The following CCND3 variants were observed in gnomAD, a reference collection of about 807,000 sequenced individuals.
CCND3 encodes the protein G1/S-specific cyclin-D3.
In CCND3, 9 loss-of-function variants were observed where a neutral mutation model predicts 28.7. That is an observed-to-expected ratio of 0.31 (90% CI 0.19 to 0.55). The LOEUF (loss-of-function observed/expected upper bound fraction) is 0.55. Ranked by LOEUF, CCND3 falls within the 20% of genes least tolerant of loss-of-function variation. The pLI is 0.93. For synonymous variants in CCND3, 164 were observed against 163.9 expected, an observed-to-expected ratio of 1.00 and a Z score of 0.00; for missense variants, 315 against 385.8, an observed-to-expected ratio of 0.82 and a Z score of 1.54.
chr6:41,970,926 TC>T (rs1491276171), intron 1 of CCND3, among the ~76,000 whole-genome samples: 1 of 144,620 alleles, frequency 6.9e-6, no homozygotes, highest in South Asian at 2.2e-4. Flanking sequence ...CTTTTTTTTT[TC>T]CCCCCCTTGA....
chr6:42,012,462 G>C (rs2127428389), intron 1 of CCND3, among the ~76,000 whole-genome samples: 1 of 148,840 alleles, frequency 6.7e-6, no homozygotes, highest in East Asian at 2.0e-4. Context: ...AATTAGCCAG[G>C]TGTGATGGTA....
At chr6:42,029,062 G>A (rs7749541) in intron 1 of CCND3, among the ~76,000 whole-genome samples, 8,687 of 150,266 alleles carry the variant, frequency 0.058, 805 homozygotes, top group African/African-American at 0.19. Context: ...CTGCAGCCTC[G>A]AACTCCTGAG....
intron 1 of CCND3, among the ~76,000 whole-genome samples, chr6:41,951,569 CACACACAAAA>C: frequency 1.3e-5 from 1 of 76,820 alleles, no homozygotes; most frequent in South Asian, 6.2e-4. Flanking sequence ...CACACACACA[CACACACAAAA>C]AAAAAGATTA....
rs1775896776 is a variant in CCND3 at position 41,938,853 on chromosome 6, C to G, written c.415-1459G>C. ...TTGGGCCTCAGCCTCCTCTGCTGCA[C>G]ACGGATTTGGACCAACTGGAGTTCT... is the stretch of plus-strand genomic sequence containing the variant. On this transcript the variant is annotated intron_variant, in intron 2 of 4. Coordinates refer to ENST00000372991, the MANE Select transcript of CCND3 (RefSeq NM_001760.5). This position sits in a 1 kb window ranked among gnomAD's most constrained non-coding sequence, Gnocchi z 4.6. Among the ~76,000 whole-genome samples the G allele has an allele frequency of 6.6e-6, 1 of 152,160 alleles. No individual in the cohort carries two copies. The highest frequency in any genetic ancestry group is 2.4e-5 in the African/African-American group (1 of 41,424).
intron 1 of CCND3, among the ~76,000 whole-genome samples, chr6:42,023,279 A>C (rs1036977547): frequency 6.6e-6 from 1 of 152,164 alleles, no homozygotes; most frequent in Admixed American, 6.6e-5. Context: ...ATGGCCCCCG[A>C]GCCTAGGGCT....
At position 41,939,848 on chromosome 6, in the gene CCND3, C is replaced by T. The variant is rs748397532; in HGVS notation, c.414+522G>A. On this transcript the variant is annotated intron_variant, in intron 2 of 4. Coordinates refer to ENST00000372991, the MANE Select transcript of CCND3 (RefSeq NM_001760.5). This position sits in a 1 kb window ranked among gnomAD's most constrained non-coding sequence, Gnocchi z 4.2. ...GCAAAGAAGGTGGGATGAAATACAT[C>T]AGCCCTTCCTTAAAGCAATCAGGGC... 2.7e-4 allele frequency among the ~76,000 whole-genome samples: 41 copies of T among 152,292 alleles called. No homozygotes were observed. Among genetic ancestry groups the T allele is most frequent in the Middle Eastern group, 6.8e-3 (2 of 294 alleles).
rs772829647 is a variant in CCND3 at position 42,048,622 on chromosome 6, T to G, written c.-167A>C. On this transcript the variant is annotated 5_prime_UTR_variant, in exon 1 of 5. Transcript: ENST00000372988. This position sits in a 1 kb window ranked among gnomAD's most constrained non-coding sequence, Gnocchi z 4.7. The stretch of plus-strand genomic sequence containing the variant: ...CAACCACCAGCCGCGAGGAGAGGAT[T>G]GCACCTCTCCCCCCCGGCCGGCATC... 10 of 517,638 alleles carry G rather than the reference T, an allele frequency of 1.9e-5. No homozygotes were observed. The highest frequency in any genetic ancestry group is 3.9e-5 in the Non-Finnish European group (10 of 259,502). The allele number at this position is 517,638 out of a possible 1,614,324, so 32.1% of individuals were successfully genotyped here.
intron 1 of CCND3, among the ~76,000 whole-genome samples, chr6:41,955,758 AAAGT>A (rs1432553607): frequency 6.6e-6 from 1 of 152,104 alleles, no homozygotes; most frequent in Admixed American, 6.6e-5. Flanking sequence ...CCTGGGCAAC[AAAGT>A]AAGACCCTGT....
chr6:42,009,987 G>A (rs984358473), intron 1 of CCND3, among the ~76,000 whole-genome samples: 1 of 152,070 alleles, frequency 6.6e-6, no homozygotes, highest in Non-Finnish European at 1.5e-5. Context: ...CAGCAAACAG[G>A]CCCTCCAAGG....
chr6:42,023,795 C>G (rs1763784582), intron 1 of CCND3, among the ~76,000 whole-genome samples: 1 of 152,154 alleles, frequency 6.6e-6, no homozygotes, highest in East Asian at 1.9e-4. Flanking sequence ...CACTGACCAT[C>G]TTAACTGTAC....
chr6:42,006,304 T>TAA (rs57086691), intron 1 of CCND3, among the ~76,000 whole-genome samples: 6 of 149,250 alleles, frequency 4.0e-5, no homozygotes, highest in Admixed American at 6.7e-5. Context: ...TTTAGAGGTT[T>TAA]AAAAAAAAAA....
At chr6:41,949,545 T>G (rs1376221190) in intron 1 of CCND3, among the ~76,000 whole-genome samples, 1 of 152,032 alleles carries the variant, frequency 6.6e-6, no homozygotes, top group Non-Finnish European at 1.5e-5. Flanking sequence ...GGCTCACACC[T>G]GTAATCCCAG....
At chr6:42,001,725 G>A (rs866570589) in intron 1 of CCND3, among the ~76,000 whole-genome samples, 43 of 152,078 alleles carry the variant, frequency 2.8e-4, no homozygotes, top group Non-Finnish European at 1.3e-4. Context: ...AAAGCGGGGC[G>A]GGGGGCGGAG....
Position 41,941,125 on chromosome 6 carries a change from C to A in CCND3, c.198+327G>T. Reference sequence around the variant, plus strand: ...GCCCAGGGTTTTCCAGGCGCGCTCTCCGGAGAAGGCCGGGAGGCGGAGGGA... The same window carrying A: ...GCCCAGGGTTTTCCAGGCGCGCTCTACGGAGAAGGCCGGGAGGCGGAGGGA... On this transcript the variant is annotated intron_variant, in intron 1 of 4. Transcript: ENST00000372991. The surrounding 1 kb of genome is among the most constrained non-coding windows in gnomAD (Gnocchi z 6.1). The A allele has an allele frequency of 6.7e-7, 1 of 1,496,042 alleles. No homozygotes were observed. Among genetic ancestry groups the A allele is most frequent in the Non-Finnish European group, 8.9e-7 (1 of 1,127,382 alleles). 92.7% of individuals were successfully genotyped at this position (1,496,042 alleles called of 1,614,324 possible).
chr6:41,972,556 T>A (rs1253615145), intron 1 of CCND3, among the ~76,000 whole-genome samples: 2 of 152,112 alleles, frequency 1.3e-5, no homozygotes, highest in Non-Finnish European at 2.9e-5. Flanking sequence ...CTTTTCCTCC[T>A]TTATAAAATG....
At position 41,989,454 on chromosome 6, in the gene CCND3, C is replaced by CAAAAAAAAAAA. The variant is rs35776222; in HGVS notation, c.-45-48880_-45-48870dup. Reference sequence around the variant, plus strand: ...GGGCGACAAGAGTGAAACACTGTCTCAAAAAAAAAAAACAAAAAAAAAAAA... The same window carrying CAAAAAAAAAAA: ...GGGCGACAAGAGTGAAACACTGTCTCAAAAAAAAAAAAAAAAAAAAAAACAAAAAAAAAAAA... On this transcript the variant is annotated intron_variant, in intron 1 of 4. Transcript: ENST00000372988. Among the ~76,000 whole-genome samples, 31 of 21,642 alleles carry CAAAAAAAAAAA rather than the reference C, an allele frequency of 1.4e-3. 4 individuals are homozygous for CAAAAAAAAAAA. Among genetic ancestry groups the CAAAAAAAAAAA allele is most frequent in the East Asian group, 3.8e-3 (2 of 530 alleles). The allele number at this position is 21,642 out of a possible 152,430, so 14.2% of individuals were successfully genotyped here.
chr6:41,981,820 A>G (rs9471706), intron 1 of CCND3, among the ~76,000 whole-genome samples: 150,563 of 152,008 alleles, frequency 0.99, 74,576 homozygotes, highest in Middle Eastern at 1. Flanking sequence ...CACTGTGCCC[A>G]GCCAAGGATA....
chr6:41,966,492 AGGTTCT>A (rs1170899522), intron 1 of CCND3, among the ~76,000 whole-genome samples: 1 of 152,174 alleles, frequency 6.6e-6, no homozygotes, highest in African/African-American at 2.4e-5. Context: ...CATGGAGCCC[AGGTTCT>A]ATATGTTTAT....
chr6:41,960,473 C>T (rs890459492), intron 1 of CCND3, among the ~76,000 whole-genome samples: 1 of 152,126 alleles, frequency 6.6e-6, no homozygotes, highest in African/African-American at 2.4e-5. Context: ...TCCAGGGAGG[C>T]CTCTAACACG....
Sources: allele counts gnomAD v4.1 joint callset (sites outside exome capture counted in the v4.1 genomes callset), GRCh38; gene constraint gnomAD v4.1.1; non-coding constraint Gnocchi (gnomAD v3.1); transcripts MANE v1.5; gene names NCBI Gene and HGNC (gene_info 2026-07-23, HGNC 2026-07-21).